PCAT7: variants seen among roughly 807,000 people sequenced by gnomAD.
PCAT7 encodes the protein prostate cancer associated transcript 7.
intron 2 of PCAT7, among the ~76,000 whole-genome samples, chr9:94,560,354 G>A (rs1176931876): frequency 6.6e-6 from 1 of 152,152 alleles, no homozygotes; most frequent in Non-Finnish European, 1.5e-5. Context: ...AAATGAATGG[G>A]GTTGGATTGA....
intron 2 of PCAT7, chr9:94,563,242 A>G: frequency 3.7e-6 from 5 of 1,337,922 alleles, no homozygotes; most frequent in Non-Finnish European, 5.1e-6. Flanking sequence ...CCACACAGAC[A>G]TGCCATGAAG....
At chr9:94,554,834 G>C (rs984803660), upstream of PCAT7, among the ~76,000 whole-genome samples, 2 of 152,184 alleles carry the variant, frequency 1.3e-5, no homozygotes, top group African/African-American at 4.8e-5. Flanking sequence ...GAGCCTTCCA[G>C]TTCTTTAAGC....
At chr9:94,561,519 C>T (rs575592133) in intron 2 of PCAT7, among the ~76,000 whole-genome samples, 33 of 152,150 alleles carry the variant, frequency 2.2e-4, no homozygotes, top group African/African-American at 7.9e-4. Context: ...CATGCCACCA[C>T]GCCTGGCTAA....
At chr9:94,561,587 G>A (rs1042012607) in intron 2 of PCAT7, among the ~76,000 whole-genome samples, 13 of 151,864 alleles carry the variant, frequency 8.6e-5, no homozygotes, top group South Asian at 4.1e-4. Context: ...GGATGGTCTC[G>A]ATCTTCTGAC....
intron 2 of PCAT7, among the ~76,000 whole-genome samples, chr9:94,566,510 C>G (rs1827192054): frequency 6.6e-6 from 1 of 152,224 alleles, no homozygotes; most frequent in African/African-American, 2.4e-5. Flanking sequence ...AATCGAATAT[C>G]TATAGAAACA....
At chr9:94,563,550 C>A in intron 2 of PCAT7, 1 of 1,449,466 alleles carries the variant, frequency 6.9e-7, no homozygotes, top group South Asian at 1.3e-5. Flanking sequence ...TTGGTGTGAC[C>A]TCTGCCTTCT....
chr9:94,556,914 C>CT, intron 1 of PCAT7, among the ~76,000 whole-genome samples: 1 of 152,200 alleles, frequency 6.6e-6, no homozygotes, highest in Non-Finnish European at 1.5e-5. Context: ...TTGGGTTTTC[C>CT]TGGTACAGTT....
At chr9:94,558,760 C>T (rs950302257) in intron 1 of PCAT7, 8 of 610,092 alleles carry the variant, frequency 1.3e-5, no homozygotes, top group Non-Finnish European at 2.0e-5. Context: ...TTCACATTGA[C>T]CATAGAATCG....
intron 2 of PCAT7, chr9:94,569,578 A>T (rs769040897): frequency 6.6e-6 from 1 of 152,246 alleles, no homozygotes; most frequent in African/African-American, 2.4e-5. Context: ...TATTGTTTCC[A>T]CAGTTTTATT....
chr9:94,557,548 A>G (rs533986527), intron 1 of PCAT7, among the ~76,000 whole-genome samples: 1 of 152,350 alleles, frequency 6.6e-6, no homozygotes, highest in South Asian at 2.1e-4. Context: ...TGCGTACAGA[A>G]TGACACTCAA....
At chr9:94,563,867 A>G in intron 2 of PCAT7, among the ~76,000 whole-genome samples, 1 of 152,196 alleles carries the variant, frequency 6.6e-6, no homozygotes, top group East Asian at 1.9e-4. Context: ...TAGACTTTAA[A>G]CCAATAAAGT....
chr9:94,561,880 A>G (rs1236551328), intron 2 of PCAT7, among the ~76,000 whole-genome samples: 1 of 152,192 alleles, frequency 6.6e-6, no homozygotes, highest in African/African-American at 2.4e-5. Context: ...ATGGAGTGAC[A>G]TGTGCTTAAG....
At chr9:94,567,578 A>G in intron 2 of PCAT7, 2 of 675,186 alleles carry the variant, frequency 3.0e-6, no homozygotes, top group East Asian at 2.7e-5. Context: ...TGGGAAGAAT[A>G]GGGACCATAT....
Position 94,562,122 on chromosome 9 carries a change from T to C in PCAT7, n.441+2970T>C, listed in dbSNP as rs372938176. Among the ~76,000 whole-genome samples, 57 of 151,882 alleles carry C rather than the reference T, an allele frequency of 3.8e-4. No homozygotes were observed. In the East Asian group the frequency reaches 6.4e-3, roughly 17 times the overall value. On this transcript the variant is annotated intron_variant and non_coding_transcript_variant, in intron 2 of 8. Transcript: ENST00000647389. ...GTCAGGAGATCGAGACCATCCTGGC[T>C]AACATGGTGAAACCCCGTCTCTACT...
At chr9:94,565,926 A>G (rs763318480) in intron 2 of PCAT7, among the ~76,000 whole-genome samples, 5 of 152,070 alleles carry the variant, frequency 3.3e-5, no homozygotes, top group Non-Finnish European at 7.4e-5. Flanking sequence ...ACACCCATTC[A>G]TTTTTACAAC....
At chr9:94,562,433 T>C (rs1268513806) in intron 2 of PCAT7, among the ~76,000 whole-genome samples, 1 of 152,044 alleles carries the variant, frequency 6.6e-6, no homozygotes, top group Non-Finnish European at 1.5e-5. Flanking sequence ...TGTTCTTAGT[T>C]CAGTGGGTGA....
intron 1 of PCAT7, among the ~76,000 whole-genome samples, chr9:94,557,303 A>G (rs1455918612): frequency 6.6e-6 from 1 of 152,210 alleles, no homozygotes; most frequent in Non-Finnish European, 1.5e-5. Context: ...GATTCTGTAG[A>G]TCGCATTGGG....
intron 3 of PCAT7, among the ~76,000 whole-genome samples, chr9:94,573,508 C>T (rs924117596): frequency 4.0e-5 from 5 of 124,676 alleles, no homozygotes; most frequent in Non-Finnish European, 8.4e-5. Flanking sequence ...ATCCTCCTAC[C>T]TCAGCAAGTT....
chr9:94,560,102 GTGA>G (rs1175502370), intron 2 of PCAT7, among the ~76,000 whole-genome samples: 2 of 152,164 alleles, frequency 1.3e-5, no homozygotes, highest in Non-Finnish European at 2.9e-5. Context: ...TCCAGTCTAG[GTGA>G]CAGAGCAAGA....
Sources: gnomAD v4.1 joint callset for allele counts (sites outside exome capture counted in the v4.1 genomes callset) on GRCh38, gnomAD v4.1.1 for gene constraint, MANE v1.5 for transcripts, NCBI Gene and HGNC (gene_info 2026-07-23, HGNC 2026-07-21) for gene names.